The following SLC12A2 variants were observed in gnomAD, a reference collection of about 807,000 sequenced individuals.
SLC12A2 encodes the protein solute carrier family 12 member 2.
In SLC12A2, 67 loss-of-function variants were observed where a neutral mutation model predicts 136.3. That is an observed-to-expected ratio of 0.49 (90% confidence interval 0.40 to 0.60). The LOEUF is 0.60. SLC12A2 is among the 20% of genes least tolerant of loss of function. The probability of loss-of-function intolerance (pLI) is 0.00; values close to 1 mark genes in which losing one functional copy is unlikely to be tolerated. For synonymous variants in SLC12A2, 619 were observed against 562.9 expected (o/e 1.10, Z -1.41); for missense variants, 1,322 against 1,534.7 (o/e 0.86, Z 2.32).
At chr5:128,114,074 T>C (rs1008697638) in intron 2 of SLC12A2, 138 bp from the exon 3 acceptor site, 3 of 635,246 alleles carry the variant, frequency 4.7e-6, no homozygotes, top group African/African-American at 3.6e-5. Context: ...AAGAAAAGGG[T>C]GGGGTAGGAG....
At chr5:128,170,012 C>T (rs1475804152) in intron 18 of SLC12A2, 2 of 152,186 alleles carry the variant, frequency 1.3e-5, no homozygotes, top group African/African-American at 4.8e-5. Context: ...AGCAGTGACA[C>T]TGCTCATTCT....
rs567522488 is a variant in SLC12A2 at position 128,164,413 on chromosome 5, T to C, written c.2616+2613T>C. 1.6e-4 allele frequency among the ~76,000 whole-genome samples: 25 copies of C among 152,260 alleles called. 1 individual carries two copies. The highest frequency in any genetic ancestry group is 1.2e-3 in the Admixed American group (18 of 15,286). ...GTGTGGGGCAAAGTTTTAGGATAAA[T>C]AGAAGAGTATTGTTTTGAGAAAAAT... is the stretch of plus-strand genomic sequence containing the variant. On this transcript the variant is annotated intron_variant, in intron 17 of 26. Transcript: ENST00000262461.
intron 25 of SLC12A2, 46 bp from the exon 26 acceptor site, chr5:128,184,743 T>G (rs1174928117): frequency 3.1e-6 from 5 of 1,609,704 alleles, no homozygotes; most frequent in Non-Finnish European, 4.2e-6. Context: ...CATGCTAAAT[T>G]CTTATTTCCA....
intron 7 of SLC12A2, among the ~76,000 whole-genome samples, chr5:128,136,159 A>G (rs1189101155): frequency 6.6e-6 from 1 of 152,174 alleles, no homozygotes; most frequent in Admixed American, 6.5e-5. Context: ...TAAGCACAAC[A>G]GTATAAAAGC....
At position 128,188,018 on chromosome 5, in the gene SLC12A2, G is replaced by A. The variant is rs542608782; in HGVS notation, c.*1387G>A. 4 of 152,492 alleles carry A rather than the reference G, an allele frequency of 2.6e-5. No individual in the cohort carries two copies. The East Asian group carries it at 7.7e-4, about 29-fold the overall frequency. The allele number at this position is 152,492 out of a possible 1,614,324, so 9.4% of individuals were successfully genotyped here. A position where few individuals can be genotyped will look rare whatever the true frequency, so the allele number is the denominator to read the frequency against. ...AATATGCATACACAGATGCATATGTGTATATATAATGAAATTTATGTTGCT... is the reference window on the plus strand; with the variant it reads ...AATATGCATACACAGATGCATATGTATATATATAATGAAATTTATGTTGCT... On this transcript the variant is annotated 3_prime_UTR_variant, in exon 27 of 27. Coordinates refer to ENST00000262461, the MANE Select transcript of SLC12A2 (RefSeq NM_001046.3).
chr5:128,126,964 A>AATT (rs1554105182), intron 4 of SLC12A2, among the ~76,000 whole-genome samples: 4 of 21,684 alleles, frequency 1.8e-4, no homozygotes, highest in African/African-American at 1.3e-3. Context: ...ATATATATAT[A>AATT]TATTTTTTTT....
chr5:128,181,033 C>A (rs770263009), intron 23 of SLC12A2, 39 bp downstream of exon 23: 21 of 1,093,124 alleles, frequency 1.9e-5, no homozygotes, highest in Non-Finnish European at 3.0e-5. Flanking sequence ...AATCTATTAG[C>A]ACTTCATTGC....
intron 1 of SLC12A2, among the ~76,000 whole-genome samples, chr5:128,102,591 C>G (rs868104166): frequency 7.9e-6 from 1 of 126,578 alleles, no homozygotes; most frequent in Admixed American, 8.3e-5. Flanking sequence ...CACCCCCCCC[C>G]CCGCCTTTTT....
Position 128,084,081 on chromosome 5 carries a change from C to T in SLC12A2, c.127C>T (p.Pro43Ser), listed in dbSNP as rs1759939068. 2 of 1,316,878 alleles carry T rather than the reference C, an allele frequency of 1.5e-6. No homozygotes were observed. Among genetic ancestry groups the T allele is most frequent in the Non-Finnish European group, 1.9e-6 (2 of 1,037,378 alleles). The allele number at this position is 1,316,878 out of a possible 1,614,324, so 81.6% of individuals were successfully genotyped here. Residue 43 changes from proline (P) to serine (S), a missense_variant, in exon 1 of 27, where the codon CCG becomes TCG. Transcript: ENST00000262461. This position sits in a 1 kb window ranked among gnomAD's most constrained non-coding sequence, Gnocchi z 5.6. ...ELPGTAVPSV[P>S]EDAAPASRDG... ...GCCCGGCACGGCTGTGCCCTCGGTG[C>T]CGGAGGATGCTGCGCCCGCGAGCCG...
chr5:128,181,414 T>C (rs1389918914), intron 23 of SLC12A2, among the ~76,000 whole-genome samples: 2 of 152,212 alleles, frequency 1.3e-5, no homozygotes, highest in African/African-American at 2.4e-5. Flanking sequence ...ATTCTAGTTC[T>C]TGTTTCAGTA....
At chr5:128,126,966 A>ATATATATTT in intron 4 of SLC12A2, among the ~76,000 whole-genome samples, 11 of 21,156 alleles carry the variant, frequency 5.2e-4, no homozygotes, top group African/African-American at 2.0e-3. Context: ...ATATATATAT[A>ATATATATTT]TTTTTTTTTT....
intron 1 of SLC12A2, among the ~76,000 whole-genome samples, chr5:128,088,447 T>A (rs1191887297): frequency 6.6e-6 from 1 of 152,176 alleles, no homozygotes; most frequent in Non-Finnish European, 1.5e-5. Flanking sequence ...ATCTTCAACA[T>A]GTATGATGGA....
At chr5:128,180,065 G>A (rs1432713876) in intron 22 of SLC12A2, among the ~76,000 whole-genome samples, 1 of 137,706 alleles carries the variant, frequency 7.3e-6, no homozygotes, top group Admixed American at 8.1e-5. Context: ...CGCCTCCCGG[G>A]TTCACACCAT....
intron 10 of SLC12A2, among the ~76,000 whole-genome samples, chr5:128,144,887 T>G (rs1762480627): frequency 1.3e-5 from 2 of 152,200 alleles, no homozygotes; most frequent in Non-Finnish European, 2.9e-5. Context: ...TTTTATTTAC[T>G]TGCTATCTTT....
chr5:128,115,917 A>G (rs1761328464), intron 4 of SLC12A2, among the ~76,000 whole-genome samples: 1 of 152,228 alleles, frequency 6.6e-6, no homozygotes, highest in Non-Finnish European at 1.5e-5. Flanking sequence ...TTGTATCAAT[A>G]TGATTATGAC....
At chr5:128,150,696 A>G (rs140368063) in intron 13 of SLC12A2, among the ~76,000 whole-genome samples, 68 of 151,996 alleles carry the variant, frequency 4.5e-4, no homozygotes, top group African/African-American at 1.3e-3. Context: ...ATGGTCTTCA[A>G]CATTTTTTAA....
intron 1 of SLC12A2, chr5:128,109,343 G>A: frequency 3.6e-6 from 1 of 274,150 alleles, no homozygotes; most frequent in Middle Eastern, 1.4e-3. Flanking sequence ...TGCCTGCCCT[G>A]CATGCCTGCC....
chr5:128,176,792 C>T (rs1399267007), intron 20 of SLC12A2, among the ~76,000 whole-genome samples: 1 of 152,014 alleles, frequency 6.6e-6, no homozygotes, highest in Non-Finnish European at 1.5e-5. Context: ...AGCCACAGTT[C>T]AACATCTTCT....
intron 1 of SLC12A2, among the ~76,000 whole-genome samples, chr5:128,107,854 G>T (rs1410432449): frequency 6.6e-6 from 1 of 152,060 alleles, no homozygotes; most frequent in African/African-American, 2.4e-5. Flanking sequence ...CTAGATCCTG[G>T]AGGAATTGCC....
Sources: allele counts gnomAD v4.1 joint callset (sites outside exome capture counted in the v4.1 genomes callset), GRCh38; gene constraint gnomAD v4.1.1; non-coding constraint Gnocchi (gnomAD v3.1); transcripts MANE v1.5; gene names NCBI Gene and HGNC (gene_info 2026-07-23, HGNC 2026-07-21).